Variants in COL4A5 observed in about 807,000 individuals in gnomAD.
COL4A5 encodes collagen alpha-5(IV) chain.
A neutral mutation model predicts 130.2 loss-of-function variants in COL4A5; 26 were observed. The ratio of observed to expected loss-of-function variants is 0.20; its 90% CI spans 0.15 to 0.28. The LOEUF (loss-of-function observed/expected upper bound fraction) is 0.28, where lower values mean the gene tolerates loss of function less well. Among genes scored for constraint, COL4A5 ranks in the 10% least tolerant of loss-of-function variants. COL4A5 has a pLI of 1.00. For missense variants in COL4A5, 1,131 were observed against 1,344.3 expected (o/e 0.84, Z 2.48); for synonymous variants, 496 against 439.6 (o/e 1.13, Z -1.60).
intron 36 of COL4A5, among the ~76,000 whole-genome samples, chrX:108,649,917 T>TA (rs1406308076): frequency 1.8e-5 from 2 of 111,368 alleles, no homozygotes; most frequent in Non-Finnish European, 3.8e-5. Flanking sequence ...GGGACTTAAT[T>TA]AAACTAACGA....
chrX:108,661,893 T>C (rs1387228930), intron 37 of COL4A5, among the ~76,000 whole-genome samples: 4 of 111,078 alleles, frequency 3.6e-5, no homozygotes, highest in Non-Finnish European at 7.5e-5. Context: ...TAATTTTATT[T>C]AAAAAATTTC....
chrX:108,461,963 G>A (rs2147492164), intron 1 of COL4A5, among the ~76,000 whole-genome samples: 1 of 111,828 alleles, frequency 8.9e-6, no homozygotes, highest in Non-Finnish European at 1.9e-5. Context: ...CAAGAATATA[G>A]ACATAGGTTC....
chrX:108,690,743 T>G (rs1457353813), intron 49 of COL4A5, among the ~76,000 whole-genome samples: 6 of 111,434 alleles, frequency 5.4e-5, no homozygotes, highest in Non-Finnish European at 9.4e-5. Context: ...ACAGACAAAT[T>G]CAAAGGGATA....
chrX:108,651,581 G>T (rs2067730558), intron 36 of COL4A5, among the ~76,000 whole-genome samples: 1 of 111,655 alleles, frequency 9.0e-6, no homozygotes, highest in Non-Finnish European at 1.9e-5. Context: ...TGCTAGTATG[G>T]AATAGCATGA....
At chrX:108,656,827 T>C (rs773268141) in intron 37 of COL4A5, among the ~76,000 whole-genome samples, 2 of 112,005 alleles carry the variant, frequency 1.8e-5, no homozygotes, top group Admixed American at 1.9e-4. Flanking sequence ...TCTTCTTAAG[T>C]ACTTTTGTTC....
chrX:108,547,923 A>G (rs1415027158), intron 2 of COL4A5, among the ~76,000 whole-genome samples: 5 of 111,897 alleles, frequency 4.5e-5, no homozygotes, highest in Non-Finnish European at 9.4e-5. Flanking sequence ...ACGGGATATA[A>G]TCTCCTGGTG....
intron 18 of COL4A5, among the ~76,000 whole-genome samples, chrX:108,586,168 A>AAC (rs113342886): frequency 9.0e-6 from 1 of 110,866 alleles, no homozygotes; most frequent in Non-Finnish European, 1.9e-5. Flanking sequence ...CAGAATAGTT[A>AAC]ACACACACAC....
At position 108,487,312 on chromosome X, in the gene COL4A5, C is replaced by T. The variant is rs182564069; in HGVS notation, c.81+47106C>T. On this transcript the variant is annotated intron_variant, in intron 1 of 52. Coordinates refer to ENST00000328300, the MANE Select transcript of COL4A5 (RefSeq NM_033380.3). ...GGCTGAGGCAAGAGAATCACTTGAA[C>T]CCGGGAGATGGAGGTTGCGGTGAGC... Among the ~76,000 whole-genome samples the T allele has an allele frequency of 1.9e-4, 21 of 108,469 alleles. No individual in the cohort carries two copies. The East Asian group carries it at 4.9e-3, about 25-fold the overall frequency. The allele number at this position is 108,469 out of a possible 115,157, so 94.2% of individuals were successfully genotyped here. A position where few individuals can be genotyped will look rare whatever the true frequency, so the allele number is the denominator to read the frequency against.
intron 1 of COL4A5, among the ~76,000 whole-genome samples, chrX:108,538,076 C>G (rs1333421083): frequency 2.7e-5 from 3 of 111,608 alleles, no homozygotes; most frequent in African/African-American, 9.8e-5. Context: ...GTACTTTGTA[C>G]TTCTACTTGC....
chrX:108,586,603 T>C lies in COL4A5; in HGVS notation c.1033-12T>C. The C allele has an allele frequency of 2.5e-6, 3 of 1,198,439 alleles. No homozygotes were observed. Among genetic ancestry groups the C allele is most frequent in the Non-Finnish European group, 3.4e-6 (3 of 886,442 alleles). ...TTGCATTTCTTTATTTTTTTTTTCT[T>C]TGGTAATAAAGGTAATTCCTAGACC... On this transcript the variant is annotated splice_polypyrimidine_tract_variant and intron_variant, in intron 18 of 52. Coordinates refer to ENST00000328300, the MANE Select transcript of COL4A5 (RefSeq NM_033380.3).
intron 36 of COL4A5, among the ~76,000 whole-genome samples, chrX:108,647,062 A>G (rs1186663116): frequency 1.8e-5 from 2 of 110,941 alleles, no homozygotes; most frequent in Admixed American, 1.9e-4. Flanking sequence ...TTGGTGATGC[A>G]GGCTCTTTTT....
intron 2 of COL4A5, among the ~76,000 whole-genome samples, chrX:108,542,265 AC>A (rs1481789538): frequency 2.2e-5 from 1 of 45,767 alleles, no homozygotes; most frequent in African/African-American, 8.4e-5. Context: ...CCCCACCCCC[AC>A]CCCACAACAG....
chrX:108,677,651 A>C lies in COL4A5; in HGVS notation c.3942+18A>C. The C allele has an allele frequency of 8.3e-7, 1 of 1,206,541 alleles. No individual in the cohort carries two copies. Among genetic ancestry groups the C allele is most frequent in the Non-Finnish European group, 1.1e-6 (1 of 891,427 alleles). ...GACTCCAGGTAGGAAATGGAAGTAG[A>C]TATCTGATGAGAGAAGAATGTGGGT... On this transcript the variant is annotated intron_variant, in intron 44 of 52. Coordinates refer to ENST00000328300, the MANE Select transcript of COL4A5 (RefSeq NM_033380.3).
chrX:108,695,245 C>T (rs2068713490), intron 51 of COL4A5, 22 bp from the exon 52 acceptor site: 3 of 1,209,914 alleles, frequency 2.5e-6, no homozygotes, highest in Non-Finnish European at 3.4e-6. Context: ...TATTGCGGCA[C>T]ATTTTTCCTT....
At chrX:108,695,712 G>A in intron 52 of COL4A5, 1 of 326,054 alleles carries the variant, frequency 3.1e-6, no homozygotes, top group Non-Finnish European at 5.5e-6. Flanking sequence ...TTCCTAATAA[G>A]TCAGCAGCTG....
rs1454760220 is a variant in COL4A5, at chrX:108,601,433, G to A, written c.1989G>A (p.Gly663=). The part of the protein sequence containing the change: ...GDPGQTITQP[G]KPGLPGNPGR... ...CAGGTCAGACTATAACCCAGCCGGG[G>A]AAGCCTGGCTTGCCTGGTAACCCAG... Residue 663 remains glycine, a synonymous_variant, in exon 26 of 53, where the codon GGG becomes GGA. Transcript: ENST00000328300. 1 of 1,206,419 alleles carries A rather than the reference G, an allele frequency of 8.3e-7. No individual in the cohort carries two copies. The highest frequency in any genetic ancestry group is 3.0e-5 in the East Asian group (1 of 33,698).
At chrX:108,473,633 A>ATTTTTTTTTTTT (rs1203616884) in intron 1 of COL4A5, among the ~76,000 whole-genome samples, 839 of 34,527 alleles carry the variant, frequency 0.024, 67 homozygotes, top group African/African-American at 0.087. Context: ...ATATATATAT[A>ATTTTTTTTTTTT]TTTTTTTTTT....
At chrX:108,597,679 C>CTTTT (rs2147810789) in intron 24 of COL4A5, 111 bp downstream of exon 24, 1 of 690,311 alleles carries the variant, frequency 1.4e-6, no homozygotes, top group South Asian at 2.4e-5. Context: ...CCAATCAATG[C>CTTTT]TTAAAACAAT....
chrX:108,570,739 A>G (rs141948093), intron 6 of COL4A5, among the ~76,000 whole-genome samples: 30 of 111,624 alleles, frequency 2.7e-4, no homozygotes, highest in African/African-American at 7.8e-4. Flanking sequence ...AACAGTAGTA[A>G]TTTTATTCTT....
Sources: gnomAD v4.1 joint callset for allele counts (sites outside exome capture counted in the v4.1 genomes callset) on GRCh38, gnomAD v4.1.1 for gene constraint, MANE v1.5 for transcripts, NCBI Gene and HGNC (gene_info 2026-07-23, HGNC 2026-07-21) for gene names.